The following CNTNAP4 variants were observed in gnomAD, a reference collection of about 807,000 sequenced individuals.
The protein encoded by CNTNAP4 is contactin-associated protein-like 4.
Under a neutral mutation model 148.4 loss-of-function variants are expected in CNTNAP4, and 98 were observed. The observed-to-expected ratio is 0.66, with a 90% CI of 0.56 to 0.78. The LOEUF (loss-of-function observed/expected upper bound fraction) is 0.78. Ranked by LOEUF, CNTNAP4 falls within the 30% of genes least tolerant of loss-of-function variation. The pLI, the probability that CNTNAP4 is intolerant of heterozygous loss-of-function variation, is 0.00. For synonymous variants in CNTNAP4, 730 were observed against 565.1 expected (o/e 1.29, Z -4.14); for missense variants, 1,935 against 1,565.6 (o/e 1.24, Z -3.98).
intron 2 of CNTNAP4, among the ~76,000 whole-genome samples, chr16:76,344,660 G>A (rs1306350178): frequency 6.6e-6 from 1 of 152,200 alleles, no homozygotes; most frequent in Non-Finnish European, 1.5e-5. Flanking sequence ...CAAAACTTTA[G>A]CAGTTATGAA....
chr16:76,523,315 G>A (rs1299506382), intron 17 of CNTNAP4, among the ~76,000 whole-genome samples: 1 of 139,044 alleles, frequency 7.2e-6, no homozygotes, highest in Non-Finnish European at 1.5e-5. Flanking sequence ...GATACCCAGT[G>A]TGTATAGAAT....
chr16:76,383,860 G>A (rs1012023150), intron 3 of CNTNAP4, among the ~76,000 whole-genome samples: 5 of 152,124 alleles, frequency 3.3e-5, no homozygotes, highest in Admixed American at 2.0e-4. Context: ...TCCTGAGTTC[G>A]TCTCTGAAGG....
intron 3 of CNTNAP4, among the ~76,000 whole-genome samples, chr16:76,390,574 T>TA (rs10670094): frequency 0.031 from 4,431 of 144,656 alleles, 155 homozygotes; most frequent in African/African-American, 0.085. Context: ...AAATAACAGG[T>TA]AAAAAAAAAA....
chr16:76,536,060 C>T (rs1007729938), intron 18 of CNTNAP4, among the ~76,000 whole-genome samples: 10 of 152,108 alleles, frequency 6.6e-5, no homozygotes, highest in Non-Finnish European at 1.5e-5. Context: ...TAATAGTCAC[C>T]TTTATGTATT....
At chr16:76,381,223 C>T (rs2015933674) in intron 3 of CNTNAP4, among the ~76,000 whole-genome samples, 1 of 152,180 alleles carries the variant, frequency 6.6e-6, no homozygotes, top group African/African-American at 2.4e-5. Flanking sequence ...AGTTGGCATT[C>T]TCCAAACCTC....
intron 2 of CNTNAP4, among the ~76,000 whole-genome samples, chr16:76,332,538 A>T (rs1391048602): frequency 1.3e-5 from 2 of 151,178 alleles, no homozygotes; most frequent in Non-Finnish European, 3.0e-5. Flanking sequence ...TGCCATTATT[A>T]TTTTTTTTTA....
intron 1 of CNTNAP4, among the ~76,000 whole-genome samples, chr16:76,286,943 G>T (rs1300242309): frequency 6.6e-6 from 1 of 152,174 alleles, no homozygotes; most frequent in Non-Finnish European, 1.5e-5. Flanking sequence ...ATGCAAGGTT[G>T]TAAAGCTGCT....
intron 3 of CNTNAP4, among the ~76,000 whole-genome samples, chr16:76,365,722 T>C (rs915332680): frequency 1.4e-5 from 2 of 141,786 alleles, no homozygotes; most frequent in South Asian, 2.2e-4. Context: ...ACTGCACTCC[T>C]TCCTGGGGGA....
chr16:76,336,646 A>G (rs141997153), intron 2 of CNTNAP4, among the ~76,000 whole-genome samples: 33 of 152,330 alleles, frequency 2.2e-4, no homozygotes, highest in African/African-American at 7.7e-4. Flanking sequence ...GTTACTGTGT[A>G]TATTCACAAT....
chr16:76,481,851 G>C (rs1250260984), intron 12 of CNTNAP4, among the ~76,000 whole-genome samples: 3 of 152,064 alleles, frequency 2.0e-5, no homozygotes. Flanking sequence ...AACAAACCTA[G>C]GATAGCGGGA....
intron 10 of CNTNAP4, among the ~76,000 whole-genome samples, chr16:76,470,998 A>G (rs923473654): frequency 6.6e-6 from 1 of 151,976 alleles, no homozygotes; most frequent in Non-Finnish European, 1.5e-5. Context: ...ACTCATGCAC[A>G]CTCACACACA....
intron 21 of CNTNAP4, among the ~76,000 whole-genome samples, chr16:76,547,378 A>C (rs915118215): frequency 1.3e-5 from 2 of 152,218 alleles, no homozygotes; most frequent in African/African-American, 4.8e-5. Flanking sequence ...GTAATTTAAC[A>C]CACAGTAAAA....
rs1489569386 is a variant in CNTNAP4, at chr16:76,559,861, A to C, written c.*1178A>C. 6.6e-6 allele frequency among the ~76,000 whole-genome samples: 1 copy of C among 152,190 alleles called. No individual in the cohort carries two copies. Among genetic ancestry groups the C allele is most frequent in the Non-Finnish European group, 1.5e-5 (1 of 68,028 alleles). ...AGCTGCAACCATCAGTGATCTACAC[A>C]ATCAATAATTAAACAATGCACACTC... On this transcript the variant is annotated 3_prime_UTR_variant, in exon 24 of 24. Transcript: ENST00000611870.
chr16:76,403,543 G>GT (rs1216532796), intron 3 of CNTNAP4, among the ~76,000 whole-genome samples: 1 of 152,052 alleles, frequency 6.6e-6, no homozygotes, highest in Non-Finnish European at 1.5e-5. Flanking sequence ...AAGTTAAAAA[G>GT]TAACAGATGA....
chr16:76,535,179 C>G (rs1157237446), intron 17 of CNTNAP4, among the ~76,000 whole-genome samples: 1 of 152,122 alleles, frequency 6.6e-6, no homozygotes, highest in South Asian at 2.1e-4. Flanking sequence ...ATATGAAGGA[C>G]AAACCACACT....
intron 2 of CNTNAP4, among the ~76,000 whole-genome samples, chr16:76,318,711 TAG>T (rs961309109): frequency 2.5e-5 from 2 of 78,854 alleles, no homozygotes; most frequent in East Asian, 2.0e-4. Context: ...ATTTATTTAT[TAG>T]AGAGAATAAA....
At chr16:76,423,184 A>G (rs933351166) in intron 3 of CNTNAP4, among the ~76,000 whole-genome samples, 3 of 152,164 alleles carry the variant, frequency 2.0e-5, no homozygotes, top group African/African-American at 4.8e-5. Flanking sequence ...TGTTTATAAG[A>G]TACTCAGTTT....
At chr16:76,547,828 G>A (rs1437831569) in intron 21 of CNTNAP4, among the ~76,000 whole-genome samples, 1 of 152,230 alleles carries the variant, frequency 6.6e-6, no homozygotes, top group Non-Finnish European at 1.5e-5. Flanking sequence ...TGTGGTCTGA[G>A]AGAAGAGGAT....
intron 3 of CNTNAP4, among the ~76,000 whole-genome samples, chr16:76,422,059 C>T (rs2079209192): frequency 6.6e-6 from 1 of 152,134 alleles, no homozygotes; most frequent in South Asian, 2.1e-4. Context: ...TCTTCATAAA[C>T]TTTAGAATCA....
Sources: allele counts gnomAD v4.1 joint callset (sites outside exome capture counted in the v4.1 genomes callset), GRCh38; gene constraint gnomAD v4.1.1; transcripts MANE v1.5; gene names NCBI Gene and HGNC (gene_info 2026-07-23, HGNC 2026-07-21).